TENM3: variants seen among roughly 807,000 people sequenced by gnomAD.
TENM3 encodes teneurin-3.
In TENM3, 63 loss-of-function variants were observed where a neutral mutation model predicts 255.1. That is an observed-to-expected ratio of 0.25 (90% CI 0.20 to 0.30). The LOEUF (loss-of-function observed/expected upper bound fraction) is 0.30, where lower values mean the gene tolerates loss of function less well. Ranked by LOEUF, TENM3 falls within the 10% of genes least tolerant of loss-of-function variation. The pLI, the probability that TENM3 is intolerant of heterozygous loss-of-function variation, is 1.00. For synonymous variants in TENM3, 1,306 were observed against 1,322.3 expected, an observed-to-expected ratio of 0.99 and a Z score of 0.27; for missense variants, 2,929 against 3,461.1, an observed-to-expected ratio of 0.85 and a Z score of 3.86.
chr4:182,684,494 A>G (rs1243777995), intron 11 of TENM3, among the ~76,000 whole-genome samples: 1 of 151,450 alleles, frequency 6.6e-6, no homozygotes, highest in East Asian at 2.0e-4. Flanking sequence ...ACGTTGGGCA[A>G]TTTATTTAAT....
chr4:182,710,881 A>G (rs1231834484), intron 12 of TENM3, among the ~76,000 whole-genome samples: 1 of 152,200 alleles, frequency 6.6e-6, no homozygotes, highest in Non-Finnish European at 1.5e-5. Context: ...TCATGAAACA[A>G]GTGGACAGGG....
rs200653052 is a variant in TENM3, at chr4:182,792,581, A to G, written c.5909A>G (p.Tyr1970Cys). Residue 1970 changes from tyrosine (Y) to cysteine (C), a missense_variant, in exon 26 of 28, where the codon TAT becomes TGT. Coordinates refer to ENST00000511685, the MANE Select transcript of TENM3 (RefSeq NM_001080477.4). This position sits in a 1 kb window ranked among gnomAD's most constrained non-coding sequence, Gnocchi z 6.3. ...LYDSTRVSFT[Y>C]DETAGVLKTV... ...GATAGCACAAGAGTCAGTTTTACCT[A>G]TGATGAAACAGCAGGAGTCCTAAAG... 49 of 1,614,046 alleles carry G rather than the reference A, an allele frequency of 3.0e-5. No individual in the cohort carries two copies. Among genetic ancestry groups the G allele is most frequent in the South Asian group, 2.2e-4 (20 of 91,082 alleles).
the TENM3 span, among the ~76,000 whole-genome samples, chr4:181,627,337 T>C: frequency 1.3e-5 from 2 of 152,276 alleles, no homozygotes; most frequent in South Asian, 4.1e-4. Flanking sequence ...TGCACACATT[T>C]CTTTTTATTT....
the TENM3 span, among the ~76,000 whole-genome samples, chr4:181,956,529 T>C: frequency 6.6e-6 from 1 of 152,214 alleles, no homozygotes; most frequent in Non-Finnish European, 1.5e-5. Context: ...ACATAGTAGG[T>C]ATTCAGCAAA....
the TENM3 span, among the ~76,000 whole-genome samples, chr4:181,897,451 T>A: frequency 0.084 from 12,833 of 152,232 alleles, 663 homozygotes; most frequent in East Asian, 0.2. Flanking sequence ...ATCCAATTAG[T>A]CTCTTCTCAA....
At position 182,588,593 on chromosome 4, in the gene TENM3, G is replaced by A. The variant is rs528915549; in HGVS notation, c.512-12331G>A. ...ATGTCAGTTCTTTATTGTCAAGATT[G>A]GGACAGCTTCTTCCTTTTTTGCTTA... is the stretch of plus-strand genomic sequence containing the variant. On this transcript the variant is annotated intron_variant, in intron 3 of 27. Transcript: ENST00000511685. Among the ~76,000 whole-genome samples, 12 of 152,220 alleles carry A rather than the reference G, an allele frequency of 7.9e-5. No homozygotes were observed. The East Asian group carries it at 1.9e-3, about 25-fold the overall frequency.
the TENM3 span, among the ~76,000 whole-genome samples, chr4:181,724,781 G>T: frequency 1.3e-5 from 2 of 152,102 alleles, no homozygotes; most frequent in African/African-American, 4.8e-5. Context: ...ACTTGTCTCT[G>T]GGGAAATCAG....
the TENM3 span, among the ~76,000 whole-genome samples, chr4:181,583,924 A>G: frequency 2.6e-5 from 4 of 152,156 alleles, no homozygotes; most frequent in Admixed American, 2.6e-4. Flanking sequence ...TCTTAGCTAG[A>G]TCAATTTCTC....
intron 3 of TENM3, among the ~76,000 whole-genome samples, chr4:182,357,000 G>A (rs1307081017): frequency 6.6e-6 from 1 of 151,888 alleles, no homozygotes; most frequent in African/African-American, 2.4e-5. Context: ...AGTTTACTGA[G>A]AATAATGATT....
At chr4:182,100,634 T>TATAC in the TENM3 span, among the ~76,000 whole-genome samples, 598 of 54,014 alleles carry the variant, frequency 0.011, 53 homozygotes, top group East Asian at 0.031. Context: ...CACACATATA[T>TATAC]ACACATATAT....
chr4:181,901,572 A>C, the TENM3 span, among the ~76,000 whole-genome samples: 1 of 152,206 alleles, frequency 6.6e-6, no homozygotes, highest in Non-Finnish European at 1.5e-5. Context: ...TATGAGCTTT[A>C]TGATCTTTCT....
the TENM3 span, among the ~76,000 whole-genome samples, chr4:181,817,647 G>A: frequency 0.083 from 12,649 of 152,124 alleles, 688 homozygotes; most frequent in East Asian, 0.26. Flanking sequence ...CCTCATGAAT[G>A]GTATTAGACG....
At chr4:181,733,551 C>A in the TENM3 span, among the ~76,000 whole-genome samples, 1 of 152,140 alleles carries the variant, frequency 6.6e-6, no homozygotes, top group African/African-American at 2.4e-5. Context: ...TCTGTGGGTC[C>A]ATATCAAGAC....
the TENM3 span, among the ~76,000 whole-genome samples, chr4:181,746,755 AT>A: frequency 0.071 from 10,161 of 142,472 alleles, 444 homozygotes; most frequent in African/African-American, 0.13. Context: ...CTAATCAGCT[AT>A]TTTTTTTTTT....
the TENM3 span, among the ~76,000 whole-genome samples, chr4:181,646,645 A>T: frequency 6.6e-6 from 1 of 152,170 alleles, no homozygotes; most frequent in African/African-American, 2.4e-5. Context: ...GATGCTATTT[A>T]AATTGAGGCT....
At chr4:181,701,155 T>G in the TENM3 span, among the ~76,000 whole-genome samples, 2 of 152,142 alleles carry the variant, frequency 1.3e-5, no homozygotes, top group African/African-American at 4.8e-5. Context: ...TTGTTAAAGG[T>G]AAGGCAGGTC....
chr4:181,643,922 CA>C, the TENM3 span, among the ~76,000 whole-genome samples: 4 of 151,804 alleles, frequency 2.6e-5, no homozygotes, highest in African/African-American at 9.7e-5. Flanking sequence ...ACTAAAAATA[CA>C]AAAATTAGCC....
At chr4:182,293,730 C>G (rs1352253718) in intron 1 of TENM3, among the ~76,000 whole-genome samples, 1 of 151,892 alleles carries the variant, frequency 6.6e-6, no homozygotes, top group African/African-American at 2.4e-5. Flanking sequence ...AACCCGCTGC[C>G]TCCTCCACAT....
chr4:182,047,330 G>A, the TENM3 span, among the ~76,000 whole-genome samples: 28 of 152,120 alleles, frequency 1.8e-4, 1 homozygote, highest in East Asian at 5.1e-3. Context: ...TTGGGAGGCC[G>A]AGGTGGGTGG....
Sources: gnomAD v4.1 joint callset for allele counts (sites outside exome capture counted in the v4.1 genomes callset) on GRCh38, gnomAD v4.1.1 for gene constraint, Gnocchi (gnomAD v3.1) non-coding constraint, MANE v1.5 for transcripts, NCBI Gene and HGNC (gene_info 2026-07-23, HGNC 2026-07-21) for gene names.